SH3D19: variants seen among roughly 807,000 people sequenced by gnomAD.
SH3D19 encodes SH3 domain-containing protein 19.
Under a neutral mutation model 112.1 loss-of-function variants are expected in SH3D19, and 58 were observed. That is an observed-to-expected ratio of 0.52 (90% CI 0.42 to 0.64). SH3D19 has a LOEUF of 0.64. Ranked by LOEUF, SH3D19 falls within the 30% of genes least tolerant of loss-of-function variation. SH3D19 has a pLI of 0.00. For missense variants in SH3D19, 1,090 were observed against 1,263.4 expected (o/e 0.86, Z 2.08); for synonymous variants, 391 against 448.5 (o/e 0.87, Z 1.62).
intron 1 of SH3D19, among the ~76,000 whole-genome samples, chr4:151,229,645 G>T (rs1293440785): frequency 6.6e-6 from 1 of 152,202 alleles, no homozygotes; most frequent in Non-Finnish European, 1.5e-5. Context: ...GGGTGCAGTG[G>T]TTCACACCTG....
chr4:151,135,210 A>C, intron 14 of SH3D19, 78 bp from the exon 15 acceptor site: 1 of 1,177,890 alleles, frequency 8.5e-7, no homozygotes, highest in African/African-American at 1.6e-5. Context: ...AAGTAATTAG[A>C]AAGTACATGA....
chr4:151,286,184 GA>G (rs56850648), intron 1 of SH3D19, among the ~76,000 whole-genome samples: 26,183 of 86,648 alleles, frequency 0.3, 2,417 homozygotes, highest in Non-Finnish European at 0.36. Flanking sequence ...CTGTCTTAAA[GA>G]AAAAAAAAAA....
chr4:151,232,885 G>T (rs1266315532), intron 1 of SH3D19, among the ~76,000 whole-genome samples: 1 of 152,174 alleles, frequency 6.6e-6, no homozygotes, highest in African/African-American at 2.4e-5. Flanking sequence ...CTAGAGGCCA[G>T]AAGTCAAAAT....
chr4:151,121,715 T>C lies in SH3D19; in HGVS notation c.*376A>G, dbSNP rs1038581393. The C allele has an allele frequency of 1.9e-5, 3 of 159,302 alleles. No individual in the cohort carries two copies. The highest frequency in any genetic ancestry group is 7.2e-5 in the African/African-American group (3 of 41,812). The allele number at this position is 159,302 out of a possible 1,614,324, so 9.9% of individuals were successfully genotyped here. ...CATGTAGAATATTAAATGTCCTCTT[T>C]TTTAACTAAAGTAAAAAAATGAAGA... On this transcript the variant is annotated 3_prime_UTR_variant, in exon 20 of 20. Transcript: ENST00000604030.
At chr4:151,249,204 G>A (rs76182660) in intron 1 of SH3D19, among the ~76,000 whole-genome samples, 2,749 of 152,180 alleles carry the variant, frequency 0.018, 41 homozygotes, top group Middle Eastern at 0.037. Context: ...TACACTTCAT[G>A]TTAGGTATAT....
rs778815614 is a variant in SH3D19, at chr4:151,136,208, C to T, written c.2428-1076G>A. Among the ~76,000 whole-genome samples the T allele has an allele frequency of 2.9e-4, 44 of 152,254 alleles. 1 individual carries two copies. The highest frequency in any genetic ancestry group is 3.5e-4 in the Non-Finnish European group (24 of 68,008). Reference sequence around the variant, plus strand: ...TGTTGCCCAGGCTGGAGTGCAGTGGCGTGATCATGGCTCACTGCAGCCTTG... The same window carrying T: ...TGTTGCCCAGGCTGGAGTGCAGTGGTGTGATCATGGCTCACTGCAGCCTTG... On this transcript the variant is annotated intron_variant, in intron 14 of 19. Transcript: ENST00000604030.
intron 17 of SH3D19, among the ~76,000 whole-genome samples, chr4:151,128,828 A>G (rs1749985907): frequency 6.6e-6 from 1 of 152,058 alleles, no homozygotes; most frequent in East Asian, 1.9e-4. Context: ...TTATTTTTGC[A>G]GAAATGAAGT....
intron 9 of SH3D19, among the ~76,000 whole-genome samples, chr4:151,156,497 T>C (rs182712231): frequency 3.3e-5 from 5 of 152,102 alleles, no homozygotes; most frequent in Non-Finnish European, 7.4e-5. Flanking sequence ...TGGAACAGAA[T>C]AGAGAATCCA....
intron 1 of SH3D19, among the ~76,000 whole-genome samples, chr4:151,318,038 C>CTGTA (rs1396422898): frequency 6.6e-6 from 1 of 150,416 alleles, no homozygotes; most frequent in African/African-American, 2.4e-5. Context: ...TGGCTCATGC[C>CTGTA]TGTAATCCCA....
rs569207719 is a variant in SH3D19, at chr4:151,282,490, C to A, written c.112+42751G>T. 43 of 1,450,114 alleles carry A rather than the reference C, an allele frequency of 3.0e-5. No individual in the cohort carries two copies. In the African/African-American group the frequency reaches 5.6e-4, roughly 19 times the overall value. The allele number at this position is 1,450,114 out of a possible 1,614,324, so 89.8% of individuals were successfully genotyped here. A position where few individuals can be genotyped will look rare whatever the true frequency, so the allele number is the denominator to read the frequency against. ...CAGAACATTCATATTCTAGGCATATCCTTACCATGGAAAATATTTTTCAAC... is the reference window on the plus strand; with the variant it reads ...CAGAACATTCATATTCTAGGCATATACTTACCATGGAAAATATTTTTCAAC... On this transcript the variant is annotated intron_variant, in intron 1 of 19. Transcript: ENST00000604030.
At chr4:151,220,055 C>T (rs907430748) in intron 2 of SH3D19, among the ~76,000 whole-genome samples, 1 of 152,140 alleles carries the variant, frequency 6.6e-6, no homozygotes, top group African/African-American at 2.4e-5. Flanking sequence ...GTAATGCTGC[C>T]TCTATCATAC....
At chr4:151,305,456 G>A (rs1384355370) in intron 1 of SH3D19, among the ~76,000 whole-genome samples, 1 of 152,066 alleles carries the variant, frequency 6.6e-6, no homozygotes, top group East Asian at 1.9e-4. Context: ...AGTGTCTTTA[G>A]CTCTTTGAAC....
chr4:151,122,918 C>G (rs569895364), intron 19 of SH3D19, among the ~76,000 whole-genome samples: 50 of 142,040 alleles, frequency 3.5e-4, no homozygotes, highest in Admixed American at 1.3e-3. Flanking sequence ...ATGGTGCAAT[C>G]TCGGCTCACT....
intron 2 of SH3D19, among the ~76,000 whole-genome samples, chr4:151,213,678 TAA>T (rs1491380490): frequency 1.9e-3 from 282 of 149,322 alleles, no homozygotes; most frequent in African/African-American, 6.5e-3. Context: ...ATTAATTAAT[TAA>T]TTAATTAATT....
At chr4:151,296,110 A>T (rs990041816) in intron 1 of SH3D19, among the ~76,000 whole-genome samples, 7 of 152,150 alleles carry the variant, frequency 4.6e-5, no homozygotes, top group Non-Finnish European at 8.8e-5. Context: ...AGAGAATTTT[A>T]AAAAAATTAA....
intron 8 of SH3D19, among the ~76,000 whole-genome samples, chr4:151,162,610 T>G (rs963053588): frequency 6.6e-6 from 1 of 151,772 alleles, no homozygotes. Flanking sequence ...TTTTTTTTTT[T>G]TTTTTTTGAG....
At chr4:151,188,344 G>A (rs1286207456) in intron 2 of SH3D19, among the ~76,000 whole-genome samples, 1 of 152,130 alleles carries the variant, frequency 6.6e-6, no homozygotes, top group African/African-American at 2.4e-5. Context: ...AAGGCTTTCT[G>A]TAAAACAGCT....
intron 3 of SH3D19, among the ~76,000 whole-genome samples, chr4:151,180,753 CT>C (rs2149837229): frequency 6.7e-6 from 1 of 148,690 alleles, no homozygotes; most frequent in South Asian, 2.2e-4. Flanking sequence ...ACTATTACCT[CT>C]ATTTTTCTTT....
At chr4:151,282,224 T>C (rs371043758) in intron 1 of SH3D19, 13 of 1,613,780 alleles carry the variant, frequency 8.1e-6, no homozygotes, top group Non-Finnish European at 9.3e-6. Flanking sequence ...TGTGAAGTAC[T>C]ACGTGTCCAA....
Sources: gnomAD v4.1 joint callset for allele counts (sites outside exome capture counted in the v4.1 genomes callset) on GRCh38, gnomAD v4.1.1 for gene constraint, MANE v1.5 for transcripts, NCBI Gene and HGNC (gene_info 2026-07-23, HGNC 2026-07-21) for gene names.